RNF220: variants seen among roughly 807,000 people sequenced by gnomAD.
RNF220 encodes E3 ubiquitin-protein ligase RNF220.
Under a neutral mutation model 67.1 loss-of-function variants are expected in RNF220, and 7 were observed. The ratio of observed to expected loss-of-function variants is 0.10; its 90% CI spans 0.06 to 0.20. RNF220 has a LOEUF of 0.20. RNF220 is among the 10% of genes least tolerant of loss of function. The pLI is 1.00. For missense variants in RNF220, 565 were observed against 740.3 expected (o/e 0.76, Z 2.75); for synonymous variants, 270 against 283.2 (o/e 0.95, Z 0.47).
Position 44,622,641 on chromosome 1 carries a change from G to C in RNF220, c.759-101G>C. Reference sequence around the variant, plus strand: ...TTGGCTGAGCTGGGCTGGGCTAGGCGGTCTATGCCTTCTCTGTCTTTGGGG... The same window carrying C: ...TTGGCTGAGCTGGGCTGGGCTAGGCCGTCTATGCCTTCTCTGTCTTTGGGG... On this transcript the variant is annotated intron_variant, in intron 3 of 14. Coordinates refer to ENST00000361799, the MANE Select transcript of RNF220 (RefSeq NM_018150.4). This position sits in a 1 kb window ranked among gnomAD's most constrained non-coding sequence, Gnocchi z 4.3. 8 of 1,036,736 alleles carry C rather than the reference G, an allele frequency of 7.7e-6. No homozygotes were observed. The highest frequency in any genetic ancestry group is 3.0e-6 in the Non-Finnish European group (2 of 664,718). The allele number at this position is 1,036,736 out of a possible 1,614,324, so 64.2% of individuals were successfully genotyped here.
Position 44,412,606 on chromosome 1 carries a change from C to G in RNF220, c.509C>G (p.Pro170Arg). Reference protein sequence around the residue: ...GKEYDFGTQLPSSSPGSLKVD... With the variant: ...GKEYDFGTQLRSSSPGSLKVD... ...GAATATGACTTTGGGACACAGCTGC[C>G]ATCTAGCTCCCCCGGTTCACTAAAG... is the stretch of plus-strand genomic sequence containing the variant. Residue 170 changes from proline to arginine, a missense_variant, in exon 2 of 15, where the codon CCA (proline) becomes CGA (arginine). Transcript: ENST00000361799. This position sits in a 1 kb window ranked among gnomAD's most constrained non-coding sequence, Gnocchi z 5.3. 1 of 1,614,208 alleles carries G rather than the reference C, an allele frequency of 6.2e-7. No homozygotes were observed. Among genetic ancestry groups the G allele is most frequent in the South Asian group, 1.1e-5 (1 of 91,078 alleles).
chr1:44,646,799 G>A (rs1228420489), intron 12 of RNF220, among the ~76,000 whole-genome samples: 1 of 152,198 alleles, frequency 6.6e-6, no homozygotes, highest in Non-Finnish European at 1.5e-5. Context: ...GCTCAGTCAT[G>A]TGCAGAGCTC....
At chr1:44,406,403 CG>C (rs1290237233) in intron 1 of RNF220, among the ~76,000 whole-genome samples, 1 of 152,208 alleles carries the variant, frequency 6.6e-6, no homozygotes, top group Non-Finnish European at 1.5e-5. Flanking sequence ...TTTTCGGGGT[CG>C]GGACCCCCTC....
At chr1:44,489,372 G>A (rs1656645498) in intron 2 of RNF220, among the ~76,000 whole-genome samples, 1 of 152,194 alleles carries the variant, frequency 6.6e-6, no homozygotes, top group Admixed American at 6.5e-5. Flanking sequence ...AGCAGAAGAT[G>A]GTAAACACTG....
chr1:44,617,098 C>T (rs1011325942), intron 3 of RNF220, among the ~76,000 whole-genome samples: 1 of 152,242 alleles, frequency 6.6e-6, no homozygotes, highest in South Asian at 2.1e-4. Flanking sequence ...CCCCTACGCC[C>T]ATGCCCCCTC....
rs376909670 is a variant in RNF220 at position 44,645,474 on chromosome 1, C to T, written c.1431C>T (p.Asn477=). The T allele has an allele frequency of 1.4e-4, 221 of 1,613,936 alleles. No individual in the cohort carries two copies. The highest frequency in any genetic ancestry group is 1.8e-4 in the Non-Finnish European group (217 of 1,180,008). ...KQEAMQKTCK[N]SDIEKITEDS... ...AGGCCATGCAGAAGACCTGCAAGAA[C>T]AGCGACATCGAGAAGTAAGTGTTTG... Residue 477 remains asparagine, a synonymous_variant, in exon 12 of 15, where the codon AAC becomes AAT. Coordinates refer to ENST00000361799, the MANE Select transcript of RNF220 (RefSeq NM_018150.4). The surrounding 1 kb of genome is among the most constrained non-coding windows in gnomAD (Gnocchi z 5.0).
chr1:44,617,513 C>T (rs1234417121), intron 3 of RNF220, among the ~76,000 whole-genome samples: 2 of 152,264 alleles, frequency 1.3e-5, no homozygotes, highest in Admixed American at 1.3e-4. Context: ...GATAAATTCC[C>T]AAGGAGCGTG....
At chr1:44,410,994 G>T (rs116122185) in intron 1 of RNF220, among the ~76,000 whole-genome samples, 1 of 152,140 alleles carries the variant, frequency 6.6e-6, no homozygotes, top group South Asian at 2.1e-4. Flanking sequence ...ATTTGTTCCG[G>T]GGGCCTTTAT....
At chr1:44,407,699 C>G (rs902492411) in intron 1 of RNF220, among the ~76,000 whole-genome samples, 1 of 152,050 alleles carries the variant, frequency 6.6e-6, no homozygotes, top group African/African-American at 2.4e-5. Context: ...GCAGAACCCT[C>G]CCTCCCGCAC....
intron 2 of RNF220, among the ~76,000 whole-genome samples, chr1:44,456,360 TTAAC>T (rs1455946711): frequency 1.3e-5 from 2 of 152,232 alleles, no homozygotes; most frequent in African/African-American, 4.8e-5. Context: ...TCACATTACA[TTAAC>T]TATGAGTTTA....
rs145069787 is a variant in RNF220 at position 44,535,346 on chromosome 1, G to A, written c.626-78819G>A. On this transcript the variant is annotated intron_variant, in intron 2 of 14. Transcript: ENST00000361799. The stretch of plus-strand genomic sequence containing the variant: ...AGTAGAAACGGGGTTTCACCATATT[G>A]GCCAGGCTGGTCTCGAACTCCTGAC... Among the ~76,000 whole-genome samples, 441 of 152,026 alleles carry A rather than the reference G, an allele frequency of 2.9e-3. 4 individuals carry two copies. Among genetic ancestry groups the A allele is most frequent in the African/African-American group, 0.01 (416 of 41,468 alleles).
At chr1:44,493,681 C>A (rs972493235) in intron 2 of RNF220, among the ~76,000 whole-genome samples, 2 of 151,940 alleles carry the variant, frequency 1.3e-5, no homozygotes, top group East Asian at 3.9e-4. Flanking sequence ...TGTACTAAAA[C>A]TACTGAATTT....
intron 2 of RNF220, among the ~76,000 whole-genome samples, chr1:44,524,471 C>G (rs1257149649): frequency 6.6e-6 from 1 of 152,170 alleles, no homozygotes; most frequent in Non-Finnish European, 1.5e-5. Context: ...CCACCCAAAC[C>G]CGGTTGCTGT....
chr1:44,628,381 G>A (rs1644019630), intron 5 of RNF220, among the ~76,000 whole-genome samples: 1 of 152,208 alleles, frequency 6.6e-6, no homozygotes, highest in Non-Finnish European at 1.5e-5. Flanking sequence ...ACATACGCAT[G>A]TGTTTTTACA....
intron 2 of RNF220, among the ~76,000 whole-genome samples, chr1:44,528,016 A>G (rs1487920850): frequency 6.6e-6 from 1 of 151,786 alleles, no homozygotes. Context: ...TGTGAATGCA[A>G]TGAAGTCACC....
intron 2 of RNF220, among the ~76,000 whole-genome samples, chr1:44,536,667 G>A (rs1165983784): frequency 1.3e-5 from 2 of 152,114 alleles, no homozygotes; most frequent in Admixed American, 1.3e-4. Context: ...AAAACACATG[G>A]TCTGCCCCTC....
At chr1:44,553,599 T>C (rs947873219) in intron 2 of RNF220, among the ~76,000 whole-genome samples, 11 of 152,188 alleles carry the variant, frequency 7.2e-5, no homozygotes, top group African/African-American at 2.7e-4. Flanking sequence ...TTCTCTACAC[T>C]CTGCCCATCA....
At chr1:44,430,241 G>A (rs1026497675) in intron 2 of RNF220, among the ~76,000 whole-genome samples, 6 of 151,848 alleles carry the variant, frequency 4.0e-5, no homozygotes, top group Admixed American at 6.6e-5. Context: ...GCTCTTCTGC[G>A]GTATTTGAAT....
At chr1:44,577,584 A>T (rs1218670694) in intron 2 of RNF220, among the ~76,000 whole-genome samples, 1 of 152,218 alleles carries the variant, frequency 6.6e-6, no homozygotes, top group African/African-American at 2.4e-5. Context: ...CCCTGTTACC[A>T]AGGAGCTTTT....
Sources: gnomAD v4.1 joint callset for allele counts (sites outside exome capture counted in the v4.1 genomes callset) on GRCh38, gnomAD v4.1.1 for gene constraint, Gnocchi (gnomAD v3.1) non-coding constraint, MANE v1.5 for transcripts, NCBI Gene and HGNC (gene_info 2026-07-23, HGNC 2026-07-21) for gene names.